Variants in CXADR observed in about 807,000 individuals in gnomAD.
The protein encoded by CXADR is CXADR cell adhesion molecule, also known as coxsackievirus and adenovirus receptor.
In CXADR, 20 loss-of-function variants were observed where a neutral mutation model predicts 40.3. The observed-to-expected ratio is 0.50, with a 90% CI of 0.35 to 0.72. The LOEUF (loss-of-function observed/expected upper bound fraction) is 0.72, where lower values mean the gene tolerates loss of function less well. CXADR is among the 30% of genes least tolerant of loss of function. CXADR has a pLI of 0.01. For synonymous variants in CXADR, 150 were observed against 161.3 expected (o/e 0.93, Z 0.53); for missense variants, 332 against 449.1 (o/e 0.74, Z 2.36).
At chr21:17,522,828 A>G (rs1188714906) in intron 1 of CXADR, among the ~76,000 whole-genome samples, 4 of 152,050 alleles carry the variant, frequency 2.6e-5, no homozygotes, top group Admixed American at 6.5e-5. Flanking sequence ...CCCTTCTCCA[A>G]CTTTACCCAC....
At chr21:17,602,899 TAAA>T in the CXADR span, among the ~76,000 whole-genome samples, 1 of 152,220 alleles carries the variant, frequency 6.6e-6, no homozygotes, top group Non-Finnish European at 1.5e-5. Context: ...TCCTTGGACA[TAAA>T]AACTTTCCCC....
At chr21:17,522,664 T>A (rs1259850106) in intron 1 of CXADR, among the ~76,000 whole-genome samples, 1 of 152,200 alleles carries the variant, frequency 6.6e-6, no homozygotes, top group East Asian at 1.9e-4. Flanking sequence ...TCAGCACAAA[T>A]AGCTCTATTG....
chr21:17,631,712 C>T, the CXADR span, among the ~76,000 whole-genome samples: 1 of 152,142 alleles, frequency 6.6e-6, no homozygotes, highest in Non-Finnish European at 1.5e-5. Flanking sequence ...CTTGGTATTG[C>T]TGTCATTTTA....
At chr21:17,609,279 G>GC in the CXADR span, 1 of 900,052 alleles carries the variant, frequency 1.1e-6, no homozygotes, top group Non-Finnish European at 1.6e-6. Flanking sequence ...TATTTCTTTG[G>GC]CTTATATCTG....
intron 1 of CXADR, among the ~76,000 whole-genome samples, chr21:17,537,225 A>G (rs1354785900): frequency 6.6e-6 from 1 of 152,140 alleles, no homozygotes; most frequent in African/African-American, 2.4e-5. Context: ...TGTTGTTTTT[A>G]TTATTGGTCC....
At chr21:17,570,332 G>A (rs1220174386), downstream of CXADR, among the ~76,000 whole-genome samples, 1 of 151,988 alleles carries the variant, frequency 6.6e-6, no homozygotes, top group Non-Finnish European at 1.5e-5. Flanking sequence ...ATACTATTTG[G>A]GGTTGAAACC....
intron 7 of CXADR, among the ~76,000 whole-genome samples, chr21:17,592,543 T>TTA (rs1418899725): frequency 6.6e-6 from 1 of 151,890 alleles, no homozygotes; most frequent in Non-Finnish European, 1.5e-5. Flanking sequence ...CTTTCCAACT[T>TTA]TACGCCAATC....
chr21:17,534,728 C>T (rs1165262246), intron 1 of CXADR, among the ~76,000 whole-genome samples: 1 of 151,362 alleles, frequency 6.6e-6, no homozygotes. Context: ...TCTCGAACCT[C>T]TAAATCTACT....
At chr21:17,588,210 A>G (rs571409591) in intron 7 of CXADR, among the ~76,000 whole-genome samples, 386 of 152,138 alleles carry the variant, frequency 2.5e-3, no homozygotes, top group African/African-American at 8.5e-3. Flanking sequence ...TTGAGTTGGC[A>G]ATGCGGGCTC....
chr21:17,572,865 T>A (rs2824369), downstream of CXADR, among the ~76,000 whole-genome samples: 1 of 152,226 alleles, frequency 6.6e-6, no homozygotes, highest in African/African-American at 2.4e-5. Flanking sequence ...AACAATTTCT[T>A]AGAAGATTTT....
chr21:17,558,516 A>G (rs764195076), intron 3 of CXADR, among the ~76,000 whole-genome samples: 5 of 152,126 alleles, frequency 3.3e-5, no homozygotes, highest in Non-Finnish European at 7.3e-5. Flanking sequence ...TGTTGTTAGT[A>G]TTGTTGATGA....
At chr21:17,599,480 T>TTC in the CXADR span, among the ~76,000 whole-genome samples, 1 of 147,640 alleles carries the variant, frequency 6.8e-6, no homozygotes, top group African/African-American at 2.6e-5. Flanking sequence ...GGCTGATTTT[T>TTC]TTTTTTTTTT....
intron 1 of CXADR, chr21:17,542,066 G>A (rs1271972459): frequency 5.8e-6 from 2 of 344,720 alleles, no homozygotes; most frequent in Non-Finnish European, 1.1e-5. Context: ...AAGATTTTTA[G>A]TATAGTTAAA....
intron 3 of CXADR, among the ~76,000 whole-genome samples, chr21:17,555,817 G>A (rs2061027341): frequency 6.6e-6 from 1 of 152,070 alleles, no homozygotes. Context: ...TTTAACTTTT[G>A]CCTATTGATT....
chr21:17,519,091 C>T (rs535519212), intron 1 of CXADR: 6 of 850,444 alleles, frequency 7.1e-6, no homozygotes, highest in Admixed American at 4.0e-5. Flanking sequence ...CTTTTCATTC[C>T]TGCGATTATA....
the CXADR span, among the ~76,000 whole-genome samples, chr21:17,603,437 A>G: frequency 1.3e-5 from 2 of 152,214 alleles, no homozygotes; most frequent in Admixed American, 6.5e-5. Context: ...ACCACTGGCA[A>G]ATCAGGTAGT....
In CXADR at chr21:17,537,908, C is replaced by T. The variant is rs549685993; in HGVS notation, c.44-9119C>T. Among the ~76,000 whole-genome samples the T allele has an allele frequency of 9.7e-4, 148 of 152,038 alleles. 1 individual carries two copies. Among genetic ancestry groups the T allele is most frequent in the African/African-American group, 3.5e-3 (145 of 41,460 alleles). On this transcript the variant is annotated intron_variant, in intron 1 of 6. Transcript: ENST00000284878. ...GATGAAAGCATTGTTAGTGCTAGTC[C>T]GAGGAGTAATTAGAGGACATATGTT...
At position 17,565,823 on chromosome 21, in the gene CXADR, G is replaced by A. The variant is rs560309635; in HGVS notation, c.*131G>A. 6.0e-6 allele frequency: 8 copies of A among 1,336,178 alleles called. No homozygotes were observed. The East Asian group carries it at 1.1e-4, about 18-fold the overall frequency. The allele number at this position is 1,336,178 out of a possible 1,614,324, so 82.8% of individuals were successfully genotyped here. A position where few individuals can be genotyped will look rare whatever the true frequency, so the allele number is the denominator to read the frequency against. On this transcript the variant is annotated 3_prime_UTR_variant, in exon 7 of 7. Transcript: ENST00000284878. ...AAATAAGTTAATCAGGAACTGTACGGAATATATTTTTAAAAATTTTTGTTT... is the reference window on the plus strand; with the variant it reads ...AAATAAGTTAATCAGGAACTGTACGAAATATATTTTTAAAAATTTTTGTTT...
downstream of CXADR, among the ~76,000 whole-genome samples, chr21:17,595,590 C>A (rs542282275): frequency 2.0e-5 from 3 of 151,632 alleles, no homozygotes; most frequent in East Asian, 1.9e-4. Flanking sequence ...ACATAAAGAT[C>A]CTTCTCATTT....
Sources: gnomAD v4.1 joint callset for allele counts (sites outside exome capture counted in the v4.1 genomes callset) on GRCh38, gnomAD v4.1.1 for gene constraint, MANE v1.5 for transcripts, NCBI Gene and HGNC (gene_info 2026-07-23, HGNC 2026-07-21) for gene names.